The following GPM6B variants were observed in gnomAD, a reference collection of about 807,000 sequenced individuals.
GPM6B encodes neuronal membrane glycoprotein M6-b.
GPM6B carries 4 observed loss-of-function variants against 27.2 expected under a neutral mutation model. The observed-to-expected ratio is 0.15, with a 90% CI of 0.07 to 0.34. The LOEUF (loss-of-function observed/expected upper bound fraction) is 0.34. Among genes scored for constraint, GPM6B ranks in the 10% least tolerant of loss-of-function variants. The pLI, the probability that GPM6B is intolerant of heterozygous loss-of-function variation, is 1.00. For synonymous variants in GPM6B, 124 were observed against 103.1 expected, an observed-to-expected ratio of 1.20 and a Z score of -1.23; for missense variants, 183 against 261.9, an observed-to-expected ratio of 0.70 and a Z score of 2.08.
chrX:13,860,127 C>G (rs73197729), intron 1 of GPM6B, among the ~76,000 whole-genome samples: 197 of 112,373 alleles, frequency 1.8e-3, no homozygotes, highest in Non-Finnish European at 3.0e-3. Flanking sequence ...GAAAGAAAAA[C>G]TATCAGTTGG....
intron 2 of GPM6B, among the ~76,000 whole-genome samples, chrX:13,796,550 C>CA (rs2048819704): frequency 8.9e-6 from 1 of 112,287 alleles, no homozygotes; most frequent in South Asian, 3.7e-4. Context: ...TGTCCAAGAA[C>CA]AAAGTGCGAA....
rs746561986 is a variant in GPM6B at position 13,838,163 on chromosome X, T to C, written c.-197-52355A>G. Among the ~76,000 whole-genome samples the C allele has an allele frequency of 2.5e-4, 28 of 110,605 alleles. No individual in the cohort carries two copies. In the South Asian group the frequency reaches 0.011, roughly 43 times the overall value. On this transcript the variant is annotated intron_variant, in intron 1 of 6. Transcript: ENST00000398361. Reference sequence around the variant, plus strand: ...AAAAAAAAAGGCAATATGGATGCTTTATCCTGAGACTTGACTATGGGATGC... The same window carrying C: ...AAAAAAAAAGGCAATATGGATGCTTCATCCTGAGACTTGACTATGGGATGC...
chrX:13,813,308 A>C (rs759422897), intron 1 of GPM6B, among the ~76,000 whole-genome samples: 24 of 111,710 alleles, frequency 2.1e-4, no homozygotes, highest in Non-Finnish European at 3.6e-4. Context: ...CTATTTGATC[A>C]AAAAGATTAA....
intron 7 of GPM6B, chrX:13,774,285 C>CATT (rs754897716): frequency 8.9e-6 from 8 of 895,893 alleles, no homozygotes; most frequent in Non-Finnish European, 1.1e-5. Flanking sequence ...AGTATGAGAA[C>CATT]ATTATTTTAA....
intron 1 of GPM6B, among the ~76,000 whole-genome samples, chrX:13,894,124 A>G (rs1354450210): frequency 8.9e-6 from 1 of 112,018 alleles, no homozygotes; most frequent in Admixed American, 9.5e-5. Context: ...TCTCTCTAGG[A>G]CATCTCAGGG....
intron 1 of GPM6B, among the ~76,000 whole-genome samples, chrX:13,815,519 T>C (rs183196751): frequency 2.7e-5 from 3 of 110,609 alleles, no homozygotes; most frequent in African/African-American, 9.9e-5. Context: ...GAGGTGTAGA[T>C]TTGGTAAGAG....
At chrX:13,818,039 T>C (rs896750513), upstream of GPM6B, among the ~76,000 whole-genome samples, 1 of 112,078 alleles carries the variant, frequency 8.9e-6, no homozygotes, top group Non-Finnish European at 1.9e-5. Flanking sequence ...TAAAGGCTAG[T>C]ATACCAATAA....
chrX:13,931,575 C>A (rs1921566012), intron 1 of GPM6B, among the ~76,000 whole-genome samples: 1 of 111,737 alleles, frequency 8.9e-6, no homozygotes, highest in African/African-American at 3.3e-5. Context: ...TGGTTCTGTT[C>A]CAATCCTCAA....
At chrX:13,938,329 G>A in exon 1 of GPM6B, 1 of 276,445 alleles carries the variant, frequency 3.6e-6, no homozygotes, top group African/African-American at 2.8e-5. Context: ...AAGCGCACCT[G>A]GGCGTTCCGG....
intron 1 of GPM6B, among the ~76,000 whole-genome samples, chrX:13,866,632 G>A (rs115995699): frequency 0.011 from 1,267 of 110,843 alleles, 7 homozygotes; most frequent in Non-Finnish European, 0.015. Flanking sequence ...ATTATTACAT[G>A]TCAATTAAAT....
At position 13,789,792 on chromosome X, in the gene GPM6B, A is replaced by G. The variant is rs142470285; in HGVS notation, c.182-3984T>C. On this transcript the variant is annotated intron_variant, in intron 2 of 7. Coordinates refer to ENST00000316715, the MANE Select transcript of GPM6B (RefSeq NM_001001995.3). ...TCCATCTCAAAACAAAAACAAAAAC[A>G]AAAACAAAAAGACAAAAAAAACAAA... is the stretch of plus-strand genomic sequence containing the variant. 9.1e-3 allele frequency among the ~76,000 whole-genome samples: 1,005 copies of G among 110,311 alleles called. 4 individuals are homozygous for G. Among genetic ancestry groups the G allele is most frequent in the Non-Finnish European group, 0.014 (748 of 52,591 alleles).
At chrX:13,782,861 T>C (rs887246864) in intron 4 of GPM6B, among the ~76,000 whole-genome samples, 2 of 111,470 alleles carry the variant, frequency 1.8e-5, no homozygotes, top group Admixed American at 9.5e-5. Flanking sequence ...TGCTAACCCC[T>C]GTCTTAGACT....
At chrX:13,903,503 A>G (rs754411696) in intron 1 of GPM6B, among the ~76,000 whole-genome samples, 98 of 112,313 alleles carry the variant, frequency 8.7e-4, no homozygotes, top group Non-Finnish European at 1.6e-3. Context: ...TTAGCAGAAT[A>G]AACACATCAG....
chrX:13,836,814 T>G (rs776007209), intron 1 of GPM6B, among the ~76,000 whole-genome samples: 4 of 112,678 alleles, frequency 3.5e-5, no homozygotes, highest in Non-Finnish European at 7.5e-5. Flanking sequence ...GAAGCACTTT[T>G]GCAGGTCTTA....
At chrX:13,782,926 G>GCAAA (rs1360282555) in intron 4 of GPM6B, among the ~76,000 whole-genome samples, 1 of 111,854 alleles carries the variant, frequency 8.9e-6, no homozygotes, top group East Asian at 2.8e-4. Context: ...CTAGTGGCTA[G>GCAAA]CAAAGCCCAG....
chrX:13,920,283 A>G (rs1167285193), intron 1 of GPM6B, among the ~76,000 whole-genome samples: 2 of 83,111 alleles, frequency 2.4e-5, no homozygotes, highest in Non-Finnish European at 5.2e-5. Context: ...AAAAAAAAAA[A>G]AAAAAGAAAG....
chrX:13,851,650 C>A (rs1245672567), intron 1 of GPM6B, among the ~76,000 whole-genome samples: 64 of 88,287 alleles, frequency 7.2e-4, no homozygotes, highest in Non-Finnish European at 1.2e-3. Context: ...AAAAAAAAAA[C>A]CAGCTGAAAT....
At chrX:13,870,896 C>T (rs1005427839) in intron 1 of GPM6B, among the ~76,000 whole-genome samples, 2 of 97,213 alleles carry the variant, frequency 2.1e-5, no homozygotes, top group Non-Finnish European at 4.1e-5. Context: ...ATAGCAAGAC[C>T]CTGTCTCTAC....
At chrX:13,886,832 T>C (rs746921419) in intron 1 of GPM6B, among the ~76,000 whole-genome samples, 6 of 109,445 alleles carry the variant, frequency 5.5e-5, no homozygotes, top group Non-Finnish European at 1.1e-4. Context: ...TCTTTTTGTT[T>C]TGGAGATGGA....
Sources: gnomAD v4.1 joint callset for allele counts (sites outside exome capture counted in the v4.1 genomes callset) on GRCh38, gnomAD v4.1.1 for gene constraint, MANE v1.5 for transcripts, NCBI Gene and HGNC (gene_info 2026-07-23, HGNC 2026-07-21) for gene names.